The following FTSJ3 variants were observed in gnomAD, a reference collection of about 807,000 sequenced individuals.
FTSJ3 encodes pre-rRNA 2'-O-ribose RNA methyltransferase FTSJ3.
In FTSJ3, 46 loss-of-function variants were observed where a neutral mutation model predicts 111.5. The ratio of observed to expected loss-of-function variants is 0.41; its 90% CI spans 0.33 to 0.53. FTSJ3 has a LOEUF of 0.53. FTSJ3 is among the 20% of genes least tolerant of loss of function. The pLI, the probability that FTSJ3 is intolerant of heterozygous loss-of-function variation, is 0.19. For missense variants in FTSJ3, 1,075 were observed against 1,063.8 expected (o/e 1.01, Z -0.15); for synonymous variants, 408 against 383.0 (o/e 1.07, Z -0.76).
rs769532374 is a variant in FTSJ3, at chr17:63,821,115, G to C, written c.1887C>G (p.Ser629Arg). Reference sequence around the variant, plus strand: ...GCTTCTTACCACGGAGGGGTTCCCAGCTGTGAAGAGGGGAGGACTCTGAGT... The same window carrying C: ...GCTTCTTACCACGGAGGGGTTCCCACCTGTGAAGAGGGGAGGACTCTGAGT... ...DSSTSSEEEESWEPLRGKKRS... is the reference protein window; with the variant it reads ...DSSTSSEEEERWEPLRGKKRS... Residue 629 changes from serine to arginine, a missense_variant and splice_region_variant, in exon 17 of 21, where the codon AGC becomes AGG. This residue lies in a region of FTSJ3 where 867 missense variants were observed against 796.9 expected (regional missense o/e 1.09). Transcript: ENST00000427159. 1.9e-6 allele frequency: 3 copies of C among 1,613,842 alleles called. No homozygotes were observed. The highest frequency in any genetic ancestry group is 3.3e-5 in the Admixed American group (2 of 60,006).
At position 63,824,922 on chromosome 17, in the gene FTSJ3, C is replaced by G. The variant is rs745375698; in HGVS notation, c.719G>C (p.Gly240Ala). 1.9e-6 allele frequency: 3 copies of G among 1,582,542 alleles called. No individual in the cohort carries two copies. The highest frequency in any genetic ancestry group is 1.7e-6 in the Non-Finnish European group (2 of 1,164,302). ...GAGAGTGAGGTCACCCTCAGCATAG[C>G]CTTCAGCCTTAGGAAGGAAAAGAGA... ...LVTKKKPKAE[G>A]YAEGDLTLYH... The change falls in exon 9 of 21, where the codon GGC becomes GCC. Residue 240 changes from glycine (G) to alanine (A), a missense_variant. Gly to Ala is a moderately conservative substitution (Grantham distance 60). Around this residue, in one of 2 missense-constraint regions of FTSJ3, gnomAD observed 867 missense variants for 796.9 expected, o/e 1.09. Transcript: ENST00000427159.
At position 63,826,465 on chromosome 17, in the gene FTSJ3, G is replaced by A. The variant is rs1214134219; in HGVS notation, c.173+102C>T. The A allele has an allele frequency of 5.0e-6, 6 of 1,209,010 alleles. No individual in the cohort carries two copies. In the East Asian group the frequency reaches 1.4e-4, roughly 29 times the overall value. 74.9% of individuals were successfully genotyped at this position (1,209,010 alleles called of 1,614,324 possible). A position where few individuals can be genotyped will look rare whatever the true frequency, so the allele number is the denominator to read the frequency against. On this transcript the variant is annotated intron_variant, in intron 3 of 20. Coordinates refer to ENST00000427159, the MANE Select transcript of FTSJ3 (RefSeq NM_017647.4). ...CAAGAAAGGAAACGGCCCCCAAGAG[G>A]ACCGGGATTCGGGTTCCCCTCCCGC...
In FTSJ3 at chr17:63,823,872, A is replaced by T; in HGVS notation, c.1235T>A (p.Ile412Asn). ...ELKMDLPGVS[I>N]ADEGETGMFS... ...CATGCCAGTCTCCCCCTCGTCTGCA[A>T]TGGAAACCCCAGGCAGATCCATCTT... The change falls in exon 13 of 21, where the codon ATT becomes AAT. Residue 412 changes from isoleucine (I) to asparagine (N), a missense_variant. Around this residue, in one of 2 missense-constraint regions of FTSJ3, gnomAD observed 867 missense variants for 796.9 expected, o/e 1.09. Transcript: ENST00000427159. 1 of 1,614,156 alleles carries T rather than the reference A, an allele frequency of 6.2e-7. No homozygotes were observed. The highest frequency in any genetic ancestry group is 8.5e-7 in the Non-Finnish European group (1 of 1,180,024).
In FTSJ3 at chr17:63,820,864, C is replaced by T. The variant is rs771592744; in HGVS notation, c.2047G>A (p.Asp683Asn). Reference protein sequence around the residue: ...VIASSKKAKRDLIDNSFNRYT... With the variant: ...VIASSKKAKRNLIDNSFNRYT... The stretch of plus-strand genomic sequence containing the variant: ...CGGTTGAAGGAGTTATCTATGAGGT[C>T]TCTCTTGGCCTTTTTGGAAGAGGCA... Residue 683 changes from aspartate (D) to asparagine (N), a missense_variant, in exon 18 of 21, where the codon GAC (aspartate) becomes AAC (asparagine). Transcript: ENST00000427159. 28 of 1,613,884 alleles carry T rather than the reference C, an allele frequency of 1.7e-5. No homozygotes were observed. The highest frequency in any genetic ancestry group is 1.9e-5 in the Non-Finnish European group (22 of 1,179,902).
intron 1 of FTSJ3, 48 bp from the exon 2 acceptor site, chr17:63,826,976 T>A (rs2040112770): frequency 7.7e-7 from 1 of 1,291,710 alleles, no homozygotes; most frequent in Non-Finnish European, 1.1e-6. Context: ...GAGCACCAGA[T>A]TCCACTTCCA....
chr17:63,821,538 G>A lies in FTSJ3; in HGVS notation c.1702C>T (p.Gln568Ter). Residue 568 changes from glutamine to a stop codon, truncating the protein, a stop_gained, in exon 16 of 21, where the codon CAG (glutamine) becomes TAG (stop). Transcript: ENST00000427159. LOFTEE classifies it high-confidence loss of function. ...GAAGGGGGTGTCTGTGGCAGCTGCTGCTTCTGCTGCTGCTGCCGTCCCTTC... is the reference window on the plus strand; with the variant it reads ...GAAGGGGGTGTCTGTGGCAGCTGCTACTTCTGCTGCTGCTGCCGTCCCTTC... ...RRKGRQQQQK[Q>*]QLPQTPPSCL... is the part of the protein sequence containing the mutation. The A allele has an allele frequency of 6.2e-7, 1 of 1,614,088 alleles. No homozygotes were observed. The highest frequency in any genetic ancestry group is 8.5e-7 in the Non-Finnish European group (1 of 1,180,032).
In FTSJ3 at chr17:63,820,948, G is replaced by A. The variant is rs1403089000; in HGVS notation, c.1973-10C>T. ...AGTATCCGATGTTTCGCTAGAGAGGGAAGGAGAAAGGTCAAAGCTCAATTC... is the reference window on the plus strand; with the variant it reads ...AGTATCCGATGTTTCGCTAGAGAGGAAAGGAGAAAGGTCAAAGCTCAATTC... On this transcript the variant is annotated splice_polypyrimidine_tract_variant and intron_variant, in intron 17 of 20. Transcript: ENST00000427159. The A allele has an allele frequency of 1.2e-6, 2 of 1,613,146 alleles. No individual in the cohort carries two copies. The highest frequency in any genetic ancestry group is 1.1e-5 in the South Asian group (1 of 91,068).
intron 2 of FTSJ3, 68 bp from the exon 3 acceptor site, chr17:63,826,740 C>A (rs900774647): frequency 6.4e-7 from 1 of 1,553,946 alleles, no homozygotes; most frequent in Non-Finnish European, 8.9e-7. Flanking sequence ...CAACCGACCA[C>A]CCCTTCTGCA....
chr17:63,819,508 A>AT lies in FTSJ3; in HGVS notation c.*293_*294insA. The AT allele has an allele frequency of 1.4e-5, 5 of 359,382 alleles. No homozygotes were observed. The highest frequency in any genetic ancestry group is 5.8e-5 in the South Asian group (1 of 17,340). The allele number at this position is 359,382 out of a possible 1,614,324, so 22.3% of individuals were successfully genotyped here. ...AAGTGGCCCACACGTCCAGGTGTAGACTGACTACATTGAGTATCGCTCCAA... is the reference window on the plus strand; with the variant it reads ...AAGTGGCCCACACGTCCAGGTGTAGATCTGACTACATTGAGTATCGCTCCAA... On this transcript the variant is annotated 3_prime_UTR_variant, in exon 21 of 21. Transcript: ENST00000427159.
chr17:63,820,788 A>G (rs2040041956), intron 18 of FTSJ3, 51 bp downstream of exon 18: 2 of 1,381,500 alleles, frequency 1.4e-6, no homozygotes, highest in Non-Finnish European at 2.0e-6. Flanking sequence ...AAAATTACCC[A>G]TTTACCCACC....
At chr17:63,823,684 A>G in intron 13 of FTSJ3, 133 bp downstream of exon 13, 1 of 944,824 alleles carries the variant, frequency 1.1e-6, no homozygotes, top group Non-Finnish European at 1.6e-6. Flanking sequence ...ATACTCACCA[A>G]GGCACCCTGT....
rs749607759 is a variant in FTSJ3, at chr17:63,825,222, A to C, written c.595+20T>G. On this transcript the variant is annotated intron_variant, in intron 7 of 20. Transcript: ENST00000427159. The stretch of plus-strand genomic sequence containing the variant: ...TTGGGAGTTGGGAGCCTGGATCAAG[A>C]GAAAGGAAATGATGCCCACCTTGGC... 10 of 1,614,058 alleles carry C rather than the reference A, an allele frequency of 6.2e-6. No individual in the cohort carries two copies. Among genetic ancestry groups the C allele is most frequent in the Non-Finnish European group, 8.5e-6 (10 of 1,179,978 alleles).
At chr17:63,826,183 G>C (rs368110506) in intron 4 of FTSJ3, 48 bp from the exon 5 acceptor site, 3 of 1,610,432 alleles carry the variant, frequency 1.9e-6, no homozygotes, top group Non-Finnish European at 2.5e-6. Context: ...TTCAAGCAGG[G>C]AGGAGAGAAA....
rs1293124489 is a variant in FTSJ3 at position 63,825,130 on chromosome 17, A to G, written c.629T>C (p.Phe210Ser). The G allele has an allele frequency of 1.9e-6, 3 of 1,614,208 alleles. No homozygotes were observed. The highest frequency in any genetic ancestry group is 2.5e-6 in the Non-Finnish European group (3 of 1,180,050). Reference sequence around the variant, plus strand: ...CTTAAAGGCAAATTTGGGGTCAAAGAATTTACTGTCAACCTTGTCAGGGGC... The same window carrying G: ...CTTAAAGGCAAATTTGGGGTCAAAGGATTTACTGTCAACCTTGTCAGGGGC... ...FLAPDKVDSKFFDPKFAFKEV... is the reference protein window; with the variant it reads ...FLAPDKVDSKSFDPKFAFKEV... The change falls in exon 8 of 21, where the codon TTC becomes TCC. Residue 210 changes from phenylalanine (F) to serine (S), a missense_variant. Physicochemically the swap from Phe to Ser is radical, Grantham distance 155 (BLOSUM62 -2). Coordinates refer to ENST00000427159, the MANE Select transcript of FTSJ3 (RefSeq NM_017647.4).
rs542383857 is a variant in FTSJ3, at chr17:63,824,555, A to G, written c.917+82T>C. The G allele has an allele frequency of 2.8e-5, 40 of 1,429,652 alleles. No homozygotes were observed. In the South Asian group the frequency reaches 4.0e-4, roughly 14 times the overall value. 88.6% of individuals were successfully genotyped at this position (1,429,652 alleles called of 1,614,324 possible). On this transcript the variant is annotated intron_variant, in intron 10 of 20. Coordinates refer to ENST00000427159, the MANE Select transcript of FTSJ3 (RefSeq NM_017647.4). Reference sequence around the variant, plus strand: ...CCCATCCCAAACCTTTAGCACAGCAATATCCTCTTCCCAGAGGTCCAACAT... The same window carrying G: ...CCCATCCCAAACCTTTAGCACAGCAGTATCCTCTTCCCAGAGGTCCAACAT...
At chr17:63,820,208 TC>T (rs765198546) in intron 19 of FTSJ3, 35 bp from the exon 20 acceptor site, 2 of 694,900 alleles carry the variant, frequency 2.9e-6, no homozygotes, top group Non-Finnish European at 4.4e-6. Flanking sequence ...CTCTTCCCCA[TC>T]CCCCCACCCC....
In FTSJ3 at chr17:63,825,041, AAC is replaced by A; in HGVS notation, c.711+5_711+6del. 1 of 1,613,248 alleles carries A rather than the reference AAC, an allele frequency of 6.2e-7. No individual in the cohort carries two copies. Among genetic ancestry groups the A allele is most frequent in the Non-Finnish European group, 8.5e-7 (1 of 1,179,240 alleles). On this transcript the variant is annotated splice_donor_5th_base_variant and intron_variant, in intron 8 of 20. Transcript: ENST00000427159. ...ACCCAAGAGTGACCCCATTCCCCAAAACACACCTTTGGCTTCTTCTTAGTAAC... is the reference window on the plus strand; with the variant it reads ...ACCCAAGAGTGACCCCATTCCCCAAAACACCTTTGGCTTCTTCTTAGTAAC...
At chr17:63,820,517 A>C in intron 18 of FTSJ3, 79 bp from the exon 19 acceptor site, 5 of 1,436,864 alleles carry the variant, frequency 3.5e-6, no homozygotes, top group African/African-American at 1.4e-5. Flanking sequence ...ACGGTGGCTC[A>C]CGCCTGTAAT....
At position 63,820,457 on chromosome 17, in the gene FTSJ3, T is replaced by C; in HGVS notation, c.2073-19A>G. On this transcript the variant is annotated intron_variant, in intron 18 of 20. Coordinates refer to ENST00000427159, the MANE Select transcript of FTSJ3 (RefSeq NM_017647.4). ...TGTGTACCTGAGTGGAAAGGACATC[T>C]GTCTAATATCCAACATTCCAGGCTT... The C allele has an allele frequency of 6.2e-7, 1 of 1,610,984 alleles. No individual in the cohort carries two copies. The highest frequency in any genetic ancestry group is 8.5e-7 in the Non-Finnish European group (1 of 1,177,514).
Sources: gnomAD v4.1 joint callset for allele counts on GRCh38, gnomAD v4.1.1 for gene constraint, gnomAD v4.1.1 regional missense constraint, MANE v1.5 for transcripts, NCBI Gene and HGNC (gene_info 2026-07-23, HGNC 2026-07-21) for gene names.